The following GALNT13 variants were observed in gnomAD, a reference collection of about 807,000 sequenced individuals.
The protein encoded by GALNT13 is polypeptide N-acetylgalactosaminyltransferase 13.
GALNT13 carries 28 observed loss-of-function variants against 64.2 expected under a neutral mutation model. The ratio of observed to expected loss-of-function variants is 0.44; its 90% CI spans 0.32 to 0.60. GALNT13 has a LOEUF of 0.60. Among genes scored for constraint, GALNT13 ranks in the 20% least tolerant of loss-of-function variants. The probability of loss-of-function intolerance (pLI) is 0.05; values close to 1 mark genes in which losing one functional copy is unlikely to be tolerated. For missense variants in GALNT13, 577 were observed against 669.8 expected (o/e 0.86, Z 1.53); for synonymous variants, 214 against 224.6 (o/e 0.95, Z 0.42).
chr2:153,413,449 G>A, the GALNT13 span, among the ~76,000 whole-genome samples: 1 of 152,126 alleles, frequency 6.6e-6, no homozygotes, highest in Non-Finnish European at 1.5e-5. Flanking sequence ...TGGAGAAGCT[G>A]TATGTTTGTC....
chr2:153,522,892 T>G, the GALNT13 span, among the ~76,000 whole-genome samples: 1 of 152,088 alleles, frequency 6.6e-6, no homozygotes, highest in African/African-American at 2.4e-5. Flanking sequence ...CTTTCATGGA[T>G]TGTGCTTTTG....
the GALNT13 span, among the ~76,000 whole-genome samples, chr2:153,084,180 G>A: frequency 2.0e-4 from 30 of 152,142 alleles, no homozygotes; most frequent in African/African-American, 6.0e-4. Context: ...TGATACCTCC[G>A]GACTTGTTCC....
chr2:153,813,198 G>C, the GALNT13 span, among the ~76,000 whole-genome samples: 1 of 152,092 alleles, frequency 6.6e-6, no homozygotes, highest in Non-Finnish European at 1.5e-5. Flanking sequence ...TTACAAATGA[G>C]TAAGCTAATA....
chr2:154,304,806 A>T (rs1002924500), intron 9 of GALNT13, among the ~76,000 whole-genome samples: 4 of 152,250 alleles, frequency 2.6e-5, no homozygotes, highest in Non-Finnish European at 5.9e-5. Context: ...ATTTAAATGT[A>T]GAAAAGTAGT....
chr2:153,920,020 T>G (rs974524769), intron 2 of GALNT13, among the ~76,000 whole-genome samples: 9 of 148,034 alleles, frequency 6.1e-5, no homozygotes, highest in Admixed American at 3.4e-4. Flanking sequence ...GTTATATATA[T>G]TATATATAGC....
At chr2:153,884,805 ATGTGTGTGTGTGTG>A (rs1365077072) in intron 1 of GALNT13, among the ~76,000 whole-genome samples, 12 of 133,586 alleles carry the variant, frequency 9.0e-5, no homozygotes, top group South Asian at 2.5e-4. Flanking sequence ...ATATATATAT[ATGTGTGTGTGTGTG>A]TATATATATG....
the GALNT13 span, among the ~76,000 whole-genome samples, chr2:153,233,237 T>A: frequency 5.9e-5 from 9 of 152,230 alleles, no homozygotes; most frequent in African/African-American, 1.9e-4. Context: ...GGTTCTTACA[T>A]GGCCACCATA....
the GALNT13 span, among the ~76,000 whole-genome samples, chr2:153,214,037 T>C: frequency 6.6e-6 from 1 of 152,218 alleles, no homozygotes; most frequent in Non-Finnish European, 1.5e-5. Flanking sequence ...AGAAGGCCAC[T>C]ATATCTTATT....
At chr2:153,096,828 T>C in the GALNT13 span, among the ~76,000 whole-genome samples, 1 of 152,194 alleles carries the variant, frequency 6.6e-6, no homozygotes, top group Non-Finnish European at 1.5e-5. Context: ...AGCCAGTCTA[T>C]GTCTTTTGAT....
chr2:153,487,236 A>G, the GALNT13 span, among the ~76,000 whole-genome samples: 3 of 152,356 alleles, frequency 2.0e-5, no homozygotes, highest in African/African-American at 4.8e-5. Flanking sequence ...GATAACAAGC[A>G]GGGGTAGCAG....
intron 1 of GALNT13, among the ~76,000 whole-genome samples, chr2:153,879,563 G>A (rs1161417533): frequency 4.0e-5 from 6 of 150,968 alleles, no homozygotes; most frequent in African/African-American, 1.5e-4. Context: ...GGTAGAGACA[G>A]AGTCTCACTA....
intron 3 of GALNT13, among the ~76,000 whole-genome samples, chr2:154,042,753 T>G (rs1699054331): frequency 6.7e-6 from 1 of 149,834 alleles, no homozygotes; most frequent in African/African-American, 2.4e-5. Flanking sequence ...ATTGAATAAA[T>G]GAATGAAAGG....
chr2:153,429,375 C>A, the GALNT13 span, among the ~76,000 whole-genome samples: 1 of 151,980 alleles, frequency 6.6e-6, no homozygotes, highest in South Asian at 2.1e-4. Flanking sequence ...AATTGAATAC[C>A]TTTTAATATG....
chr2:154,038,050 G>T (rs940745621), intron 3 of GALNT13, among the ~76,000 whole-genome samples: 5 of 152,022 alleles, frequency 3.3e-5, no homozygotes, highest in Non-Finnish European at 1.5e-5. Flanking sequence ...GAGGTGGCAG[G>T]ATTGCTTGAA....
the GALNT13 span, among the ~76,000 whole-genome samples, chr2:153,629,358 T>C: frequency 6.6e-6 from 1 of 151,830 alleles, no homozygotes. Context: ...TCTACAACTA[T>C]CTGATCTTTG....
intron 1 of GALNT13, among the ~76,000 whole-genome samples, chr2:153,899,996 C>T (rs1182247488): frequency 7.2e-6 from 1 of 138,976 alleles, no homozygotes; most frequent in African/African-American, 2.6e-5. Flanking sequence ...AGTGCAGTGG[C>T]ACGATCTCAT....
intron 3 of GALNT13, among the ~76,000 whole-genome samples, chr2:154,049,642 A>G (rs1386028507): frequency 2.0e-5 from 3 of 151,556 alleles, no homozygotes; most frequent in African/African-American, 4.8e-5. Flanking sequence ...CCACTAAAAA[A>G]TACGATTATT....
the GALNT13 span, among the ~76,000 whole-genome samples, chr2:153,267,350 T>A: frequency 6.6e-6 from 1 of 152,204 alleles, no homozygotes; most frequent in Non-Finnish European, 1.5e-5. Flanking sequence ...AGGTTTTCTA[T>A]AAGGGCTTGA....
intron 8 of GALNT13, among the ~76,000 whole-genome samples, chr2:154,284,520 TACACAC>T (rs372990123): frequency 1.4e-4 from 20 of 145,752 alleles, no homozygotes; most frequent in African/African-American, 2.8e-4. Flanking sequence ...TACATATAGC[TACACAC>T]ACACACACAC....
Sources: gnomAD v4.1 joint callset for allele counts (sites outside exome capture counted in the v4.1 genomes callset) on GRCh38, gnomAD v4.1.1 for gene constraint, MANE v1.5 for transcripts, NCBI Gene and HGNC (gene_info 2026-07-23, HGNC 2026-07-21) for gene names.